Variants in KIF3A observed in about 807,000 individuals in gnomAD.
KIF3A encodes the protein kinesin family member 3A, also known as kinesin-like protein KIF3A.
Under a neutral mutation model 92.6 loss-of-function variants are expected in KIF3A, and 27 were observed. The observed-to-expected ratio is 0.29, with a 90% confidence interval of 0.21 to 0.40. KIF3A has a LOEUF of 0.40. KIF3A is among the 10% of genes least tolerant of loss of function. KIF3A has a pLI of 1.00. For missense variants in KIF3A, 581 were observed against 872.6 expected (o/e 0.67, Z 4.21); for synonymous variants, 250 against 275.4 (o/e 0.91, Z 0.92).
intron 6 of KIF3A, among the ~76,000 whole-genome samples, 189 bp from the exon 7 acceptor site, chr5:132,716,631 T>G (rs142739646): frequency 6.6e-6 from 1 of 152,266 alleles, no homozygotes; most frequent in African/African-American, 2.4e-5. Context: ...GAGCTGATTG[T>G]TGGGAGTTGG....
At chr5:132,703,213 A>T in intron 12 of KIF3A, 148 bp from the exon 13 acceptor site, 2 of 715,814 alleles carry the variant, frequency 2.8e-6, no homozygotes. Flanking sequence ...ACTGTGTAGT[A>T]TCGATTTCTA....
Position 132,703,010 on chromosome 5 carries a change from C to T in KIF3A, c.1522G>A (p.Val508Ile). Residue 508 changes from valine (V) to isoleucine (I), a missense_variant, in exon 13 of 19, where the codon GTT becomes ATT. Physicochemically the swap from Val to Ile is conservative, Grantham distance 29. Transcript: ENST00000403231. The part of the protein sequence containing the change: ...KLSALEKKVI[V>I]GGVDLLAKAE... ...TTGGCCAACAAGTCAACCCCACCAA[C>T]AATTACCTTCTTTTCCAGGGCAGAT... 6.2e-7 allele frequency: 1 copy of T among 1,612,574 alleles called. No individual in the cohort carries two copies. Among genetic ancestry groups the T allele is most frequent in the Admixed American group, 1.7e-5 (1 of 59,632 alleles).
chr5:132,711,660 TAG>T (rs1210187849), intron 8 of KIF3A, among the ~76,000 whole-genome samples: 2 of 152,010 alleles, frequency 1.3e-5, no homozygotes, highest in Non-Finnish European at 2.9e-5. Context: ...AATTATGTGG[TAG>T]AGTTACTAAT....
intron 14 of KIF3A, 105 bp downstream of exon 14, chr5:132,702,453 T>C: frequency 2.7e-6 from 2 of 730,170 alleles, no homozygotes; most frequent in Non-Finnish European, 4.4e-6. Flanking sequence ...TTTATTTCTT[T>C]TAAATTATAA....
Position 132,710,964 on chromosome 5 carries a change from CT to C in KIF3A, c.1222del (p.Arg408GlufsTer17). On this transcript the variant is annotated frameshift_variant, in exon 9 of 19. Coordinates refer to ENST00000403231, the MANE Select transcript of KIF3A (RefSeq NM_001300791.2). LOFTEE classifies it high-confidence loss of function. ...GATTACTAAACAGAACTTACCCCTT[CT>C]TTTTTTCCTTTTCTCTCCATCTTCT... Reference protein sequence around the residue: ...VGEDGEKRKKRRGSSSSSSSD... With the variant: ...VGEDGEKRKKXRGSSSSSSSD... 1 of 1,613,634 alleles carries C rather than the reference CT, an allele frequency of 6.2e-7. No individual in the cohort carries two copies. The highest frequency in any genetic ancestry group is 8.5e-7 in the Non-Finnish European group (1 of 1,179,718).
chr5:132,715,720 A>G (rs199580978), intron 8 of KIF3A, 37 bp downstream of exon 8: 3 of 1,503,630 alleles, frequency 2.0e-6, no homozygotes, highest in East Asian at 2.3e-5. Context: ...ATGTATTTTT[A>G]GCCAACATAA....
Position 132,695,733 on chromosome 5 carries a change from G to T in KIF3A, c.*901C>A, listed in dbSNP as rs1752812436. ...TTTTTCTTGCTTAGCTGTATTTTCT[G>T]GAAAATGGAGACTCTTCTTAACTGG... On this transcript the variant is annotated 3_prime_UTR_variant, in exon 19 of 19. Coordinates refer to ENST00000403231, the MANE Select transcript of KIF3A (RefSeq NM_001300791.2). The T allele has an allele frequency of 6.6e-6, 1 of 152,364 alleles. No homozygotes were observed. Among genetic ancestry groups the T allele is most frequent in the East Asian group, 1.9e-4 (1 of 5,332 alleles). The allele number at this position is 152,364 out of a possible 1,614,324, so 9.4% of individuals were successfully genotyped here. A position where few individuals can be genotyped will look rare whatever the true frequency, so the allele number is the denominator to read the frequency against.
chr5:132,699,934 C>G (rs2149893016), intron 17 of KIF3A, among the ~76,000 whole-genome samples: 1 of 152,210 alleles, frequency 6.6e-6, no homozygotes, highest in East Asian at 1.9e-4. Context: ...TAGTCTCCAC[C>G]CATAATCCTA....
chr5:132,719,151 C>T (rs570834341), intron 5 of KIF3A, among the ~76,000 whole-genome samples: 70 of 152,282 alleles, frequency 4.6e-4, no homozygotes, highest in African/African-American at 1.6e-3. Context: ...ATATTCCATC[C>T]TCAGTGCCCA....
intron 1 of KIF3A, chr5:132,736,760 C>A (rs1384773920): frequency 2.1e-6 from 1 of 467,812 alleles, no homozygotes; most frequent in South Asian, 1.6e-5. Context: ...GCCTCACAAC[C>A]ACTAAATAAG....
chr5:132,699,141 C>T (rs377270665), intron 18 of KIF3A, 30 bp downstream of exon 18: 29 of 1,607,872 alleles, frequency 1.8e-5, no homozygotes, highest in African/African-American at 4.0e-5. Context: ...TCAATGCCTT[C>T]GTTTTACCAG....
At chr5:132,702,031 C>A in intron 15 of KIF3A, 56 bp downstream of exon 15, 1 of 1,521,582 alleles carries the variant, frequency 6.6e-7, no homozygotes, top group Non-Finnish European at 8.9e-7. Context: ...AATTAGAAAT[C>A]TTTGTTCCTT....
intron 8 of KIF3A, among the ~76,000 whole-genome samples, chr5:132,714,722 G>A (rs896820269): frequency 6.6e-6 from 1 of 152,144 alleles, no homozygotes; most frequent in Non-Finnish European, 1.5e-5. Context: ...ACAACAATGC[G>A]AATATACTTG....
Position 132,699,255 on chromosome 5 carries a change from G to C in KIF3A, c.2048C>G (p.Thr683Ser), listed in dbSNP as rs1447042541. The change falls in exon 18 of 19, where the codon ACT becomes AGT. Residue 683 changes from threonine to serine, a missense_variant. Physicochemically the swap from Thr to Ser is moderately conservative, Grantham distance 58 (BLOSUM62 1). This residue lies in a region of KIF3A where 112 missense variants were observed against 144.3 expected (regional missense o/e 0.78). Transcript: ENST00000403231. The stretch of plus-strand genomic sequence containing the variant: ...CAAAGACTGACGCAGACTCTCCTCA[G>C]TATAGGCAAGATACACGTGAGAAAG... ...VDLSHVYLAY[T>S]EESLRQSLMK... is the part of the protein sequence containing the mutation. 3.1e-6 allele frequency: 5 copies of C among 1,613,588 alleles called. No homozygotes were observed. The African/African-American group carries it at 5.3e-5, about 17-fold the overall frequency.
At chr5:132,733,532 G>C (rs1316795243) in intron 2 of KIF3A, among the ~76,000 whole-genome samples, 6 of 152,212 alleles carry the variant, frequency 3.9e-5, no homozygotes, top group Non-Finnish European at 7.3e-5. Context: ...GCTTTGAAAG[G>C]CCTCAGTAGG....
chr5:132,700,553 T>G, intron 16 of KIF3A, 94 bp downstream of exon 16: 1 of 813,868 alleles, frequency 1.2e-6, no homozygotes, highest in African/African-American at 1.7e-5. Flanking sequence ...ATTCATCTAC[T>G]GGACCATGTT....
At chr5:132,707,127 G>T (rs1753239185) in intron 10 of KIF3A, among the ~76,000 whole-genome samples, 1 of 150,858 alleles carries the variant, frequency 6.6e-6, no homozygotes. Context: ...ACCGGATTAA[G>T]GGCTTTTTTT....
downstream of KIF3A, chr5:132,689,837 A>G (rs906781132): frequency 2.6e-5 from 4 of 152,194 alleles, no homozygotes; most frequent in Non-Finnish European, 4.4e-5. Context: ...ACACACAGGT[A>G]AGAGTTTTAC....
At chr5:132,734,612 T>C in intron 1 of KIF3A, 134 bp from the exon 2 acceptor site, 1 of 655,878 alleles carries the variant, frequency 1.5e-6, no homozygotes, top group Non-Finnish European at 2.4e-6. Flanking sequence ...CAGGTATTTG[T>C]TAAATGCAAT....
Sources: gnomAD v4.1 joint callset for allele counts (sites outside exome capture counted in the v4.1 genomes callset) on GRCh38, gnomAD v4.1.1 for gene constraint, gnomAD v4.1.1 regional missense constraint, MANE v1.5 for transcripts, NCBI Gene and HGNC (gene_info 2026-07-23, HGNC 2026-07-21) for gene names.